INPP5B: variants seen among roughly 807,000 people sequenced by gnomAD.
The protein encoded by INPP5B is inositol polyphosphate-5-phosphatase B.
A neutral mutation model predicts 118.5 loss-of-function variants in INPP5B; 90 were observed. That is an observed-to-expected ratio of 0.76 (90% CI 0.64 to 0.90). The LOEUF is 0.90. Among genes scored for constraint, INPP5B ranks in the 40% least tolerant of loss-of-function variants. The probability of loss-of-function intolerance (pLI) is 0.00; values close to 1 mark genes in which losing one functional copy is unlikely to be tolerated. For missense variants in INPP5B, 984 were observed against 1,125.6 expected, an observed-to-expected ratio of 0.87 and a Z score of 1.80; for synonymous variants, 385 against 418.9, an observed-to-expected ratio of 0.92 and a Z score of 0.99.
intron 20 of INPP5B, among the ~76,000 whole-genome samples, chr1:37,867,901 C>T (rs1642143622): frequency 6.6e-6 from 1 of 152,068 alleles, no homozygotes; most frequent in African/African-American, 2.4e-5. Context: ...TGAAGGAGAG[C>T]GATGACATCC....
chr1:37,897,335 G>C (rs888223138), intron 7 of INPP5B, among the ~76,000 whole-genome samples: 1 of 149,266 alleles, frequency 6.7e-6, no homozygotes, highest in African/African-American at 2.5e-5. Flanking sequence ...GATGGTTGCC[G>C]TGTCTGTGTA....
At chr1:37,938,657 G>T (rs1156822404) in intron 6 of INPP5B, among the ~76,000 whole-genome samples, 3 of 152,160 alleles carry the variant, frequency 2.0e-5, no homozygotes, top group Non-Finnish European at 4.4e-5. Context: ...AGGCTCTTTG[G>T]TGTTATTTCT....
intron 23 of INPP5B, 69 bp from the exon 24 acceptor site, chr1:37,862,499 G>T (rs534464197): frequency 8.6e-6 from 8 of 927,706 alleles, no homozygotes; most frequent in Admixed American, 6.9e-5. Flanking sequence ...ATCACTTAAC[G>T]ACAGGGATAT....
chr1:37,896,032 G>A (rs1243004414), intron 7 of INPP5B, among the ~76,000 whole-genome samples: 16 of 149,554 alleles, frequency 1.1e-4, no homozygotes, highest in Admixed American at 7.3e-4. Context: ...AGTGAGGAGC[G>A]TCTCTGCCCG....
At chr1:37,894,543 T>A (rs973479657) in intron 7 of INPP5B, among the ~76,000 whole-genome samples, 36 of 151,396 alleles carry the variant, frequency 2.4e-4, no homozygotes, top group African/African-American at 8.0e-4. Flanking sequence ...TCCCCATGCG[T>A]CTATGTTTTT....
chr1:37,878,771 T>G (rs1251932430), intron 15 of INPP5B, among the ~76,000 whole-genome samples: 1 of 151,776 alleles, frequency 6.6e-6, no homozygotes, highest in Non-Finnish European at 1.5e-5. Flanking sequence ...TACCTCAGCC[T>G]CCCGAATAGC....
intron 7 of INPP5B, among the ~76,000 whole-genome samples, chr1:37,915,241 T>C (rs112495211): frequency 0.025 from 3,815 of 152,266 alleles, 89 homozygotes; most frequent in Non-Finnish European, 0.035. Flanking sequence ...TTGGGCCAAG[T>C]GCATTTTGGA....
Position 37,946,243 on chromosome 1 carries a change from G to T in INPP5B, c.57+9C>A. ...AGGCTCAGGGCCGCAGTTAGCACAG[G>T]AAGGATATGATGACGCAGTATTCCC... On this transcript the variant is annotated intron_variant, in intron 2 of 23. Transcript: ENST00000373024. 6.2e-7 allele frequency: 1 copy of T among 1,608,854 alleles called. No individual in the cohort carries two copies.
intron 9 of INPP5B, 53 bp from the exon 10 acceptor site, chr1:37,888,397 G>C: frequency 8.8e-7 from 1 of 1,135,010 alleles, no homozygotes; most frequent in Non-Finnish European, 1.2e-6. Flanking sequence ...GAGATAACAG[G>C]AGAAAGCATT....
At chr1:37,917,891 G>C (rs991592925) in intron 7 of INPP5B, among the ~76,000 whole-genome samples, 2 of 152,144 alleles carry the variant, frequency 1.3e-5, no homozygotes, top group Admixed American at 6.5e-5. Context: ...GGTTGATTAT[G>C]AATGAGGCTG....
At chr1:37,924,906 G>A (rs894820706) in intron 7 of INPP5B, among the ~76,000 whole-genome samples, 1 of 152,110 alleles carries the variant, frequency 6.6e-6, no homozygotes, top group Admixed American at 6.6e-5. Context: ...AGGCATGATG[G>A]CTCACGCCTA....
chr1:37,943,952 T>G, intron 3 of INPP5B, 59 bp from the exon 4 acceptor site: 1 of 1,292,738 alleles, frequency 7.7e-7, no homozygotes, highest in Non-Finnish European at 1.1e-6. Context: ...CAGCCCTATC[T>G]TGGAGGTCTC....
intron 19 of INPP5B, chr1:37,870,538 A>G (rs1271790267): frequency 6.6e-6 from 1 of 152,258 alleles, no homozygotes; most frequent in East Asian, 1.9e-4. Flanking sequence ...TGGTTAGGTC[A>G]TAAGGGCTCT....
chr1:37,923,074 G>A (rs1645110831), intron 7 of INPP5B, among the ~76,000 whole-genome samples: 1 of 152,174 alleles, frequency 6.6e-6, no homozygotes, highest in Non-Finnish European at 1.5e-5. Context: ...TGCTCAAAGA[G>A]GAAGGGGGCA....
At position 37,943,903 on chromosome 1, in the gene INPP5B, G is replaced by A. The variant is rs975441942; in HGVS notation, c.153-10C>T. 1.2e-6 allele frequency: 2 copies of A among 1,606,374 alleles called. No homozygotes were observed. The highest frequency in any genetic ancestry group is 2.7e-5 in the African/African-American group (2 of 74,728). ...CGTATAGAGGAAGAGACTAAGGGCA[G>A]GAAGCAGAGGTGAGGATGGGGGCCC... is the stretch of plus-strand genomic sequence containing the variant. On this transcript the variant is annotated splice_polypyrimidine_tract_variant and intron_variant, in intron 3 of 23. Transcript: ENST00000373024.
intron 3 of INPP5B, among the ~76,000 whole-genome samples, chr1:37,944,776 C>T (rs1235026952): frequency 3.7e-5 from 5 of 136,906 alleles, no homozygotes; most frequent in African/African-American, 1.3e-4. Context: ...GAGATGGAGC[C>T]GGGGAGCGGG....
chr1:37,936,550 G>A (rs1645700199), intron 6 of INPP5B, among the ~76,000 whole-genome samples: 1 of 151,960 alleles, frequency 6.6e-6, no homozygotes, highest in Non-Finnish European at 1.5e-5. Context: ...GAACCCGGGA[G>A]GTGGAGGTTG....
At chr1:37,878,592 T>C (rs908992865) in intron 15 of INPP5B, 9 of 603,136 alleles carry the variant, frequency 1.5e-5, no homozygotes, top group African/African-American at 2.0e-5. Context: ...AGGAGAGAAT[T>C]AAAAAACCAA....
chr1:37,939,116 C>A (rs562464616), intron 6 of INPP5B, among the ~76,000 whole-genome samples: 1 of 151,470 alleles, frequency 6.6e-6, no homozygotes, highest in Non-Finnish European at 1.5e-5. Context: ...ATCGCTTGAA[C>A]CCAGGAGGCG....
Sources: allele counts gnomAD v4.1 joint callset (sites outside exome capture counted in the v4.1 genomes callset), GRCh38; gene constraint gnomAD v4.1.1; transcripts MANE v1.5; gene names NCBI Gene and HGNC (gene_info 2026-07-23, HGNC 2026-07-21).